The following ABCD2 variants were observed in gnomAD, a reference collection of about 807,000 sequenced individuals.
ABCD2 encodes the protein ATP-binding cassette sub-family D member 2.
ABCD2 carries 36 observed loss-of-function variants against 70.9 expected under a neutral mutation model. The observed-to-expected ratio is 0.51, with a 90% confidence interval of 0.39 to 0.67. ABCD2 has a LOEUF of 0.67. Ranked by LOEUF, ABCD2 falls within the 30% of genes least tolerant of loss-of-function variation. The pLI is 0.00. For synonymous variants in ABCD2, 304 were observed against 306.9 expected, an observed-to-expected ratio of 0.99 and a Z score of 0.10; for missense variants, 729 against 890.2, an observed-to-expected ratio of 0.82 and a Z score of 2.30.
intron 1 of ABCD2, among the ~76,000 whole-genome samples, chr12:39,618,318 T>A (rs1000082270): frequency 1.3e-5 from 2 of 152,192 alleles, no homozygotes; most frequent in African/African-American, 2.4e-5. Flanking sequence ...AGTTTCTAAA[T>A]ATATATTTTC....
intron 2 of ABCD2, among the ~76,000 whole-genome samples, chr12:39,611,801 GTGTGTA>G (rs1942048260): frequency 2.0e-5 from 3 of 152,024 alleles, no homozygotes; most frequent in African/African-American, 7.2e-5. Flanking sequence ...AAATGTGTGT[GTGTGTA>G]TGTGTATGTG....
Position 39,596,076 on chromosome 12 carries a change from G to A in ABCD2, c.1646+4495C>T, listed in dbSNP as rs1275224290. Among the ~76,000 whole-genome samples the A allele has an allele frequency of 5.3e-5, 8 of 152,118 alleles. No individual in the cohort carries two copies. In the South Asian group the frequency reaches 1.0e-3, roughly 20 times the overall value. On this transcript the variant is annotated intron_variant, in intron 6 of 9. Coordinates refer to ENST00000308666, the MANE Select transcript of ABCD2 (RefSeq NM_005164.4). ...AGAAATGCTTTCTTTTCTCAGCATC[G>A]TGTGTTAGAGGAGAGTAGGAAAGAA...
At chr12:39,603,561 A>ACT in intron 5 of ABCD2, among the ~76,000 whole-genome samples, 1 of 152,104 alleles carries the variant, frequency 6.6e-6, no homozygotes, top group Non-Finnish European at 1.5e-5. Flanking sequence ...TTCATATTTT[A>ACT]GTAAATATAT....
rs1295447510 is a variant in ABCD2 at position 39,550,755 on chromosome 12, C to T, written c.*3157G>A. 1 of 151,714 alleles carries T rather than the reference C, an allele frequency of 6.6e-6. No homozygotes were observed. The highest frequency in any genetic ancestry group is 1.5e-5 in the Non-Finnish European group (1 of 67,666). The allele number at this position is 151,714 out of a possible 1,614,324, so 9.4% of individuals were successfully genotyped here. A position where few individuals can be genotyped will look rare whatever the true frequency, so the allele number is the denominator to read the frequency against. On this transcript the variant is annotated 3_prime_UTR_variant, in exon 10 of 10. Transcript: ENST00000308666. ...AATTTTGCCCATAAAGTAATTATAT[C>T]AAAGTCATCTTTTTAAATCAATGAT... is the stretch of plus-strand genomic sequence containing the variant.
chr12:39,569,223 A>G (rs978439112), intron 9 of ABCD2, among the ~76,000 whole-genome samples: 1 of 152,190 alleles, frequency 6.6e-6, no homozygotes, highest in Admixed American at 6.5e-5. Flanking sequence ...CTACCCCCAG[A>G]GGTTGAGTCT....
At chr12:39,578,423 G>A (rs945639971) in intron 8 of ABCD2, among the ~76,000 whole-genome samples, 67 of 147,858 alleles carry the variant, frequency 4.5e-4, no homozygotes, top group Non-Finnish European at 7.4e-5. Context: ...GCAGTGAGCC[G>A]AGATGGTGCC....
intron 9 of ABCD2, among the ~76,000 whole-genome samples, chr12:39,570,533 A>G (rs1941433187): frequency 6.6e-6 from 1 of 152,214 alleles, no homozygotes; most frequent in Non-Finnish European, 1.5e-5. Flanking sequence ...ATCCACAGGT[A>G]GAAGAATGAA....
chr12:39,543,534 T>G, the ABCD2 span, among the ~76,000 whole-genome samples: 3 of 152,344 alleles, frequency 2.0e-5, no homozygotes, highest in East Asian at 3.9e-4. Flanking sequence ...CCAGCAAATT[T>G]GGGACTGGAG....
At chr12:39,569,482 G>A (rs965217069) in intron 9 of ABCD2, among the ~76,000 whole-genome samples, 1 of 152,214 alleles carries the variant, frequency 6.6e-6, no homozygotes, top group African/African-American at 2.4e-5. Context: ...GAAAAGCGCA[G>A]TATTAGGGTG....
chr12:39,610,533 A>C (rs763794128), intron 2 of ABCD2, among the ~76,000 whole-genome samples: 7 of 152,224 alleles, frequency 4.6e-5, no homozygotes, highest in Non-Finnish European at 1.0e-4. Context: ...TTAAAATGCT[A>C]AGAATAGTTT....
intron 2 of ABCD2, among the ~76,000 whole-genome samples, chr12:39,609,448 A>T (rs1456702510): frequency 1.3e-5 from 2 of 152,206 alleles, no homozygotes; most frequent in African/African-American, 4.8e-5. Flanking sequence ...GCCCACAGTA[A>T]GTGCTCTAAA....
chr12:39,600,907 T>C (rs1428221920), intron 5 of ABCD2, among the ~76,000 whole-genome samples, 191 bp from the exon 6 acceptor site: 1 of 152,112 alleles, frequency 6.6e-6, no homozygotes, highest in African/African-American at 2.4e-5. Context: ...AAAAGCATCA[T>C]AAAATAATTC....
At chr12:39,557,372 G>A (rs1313571963) in intron 9 of ABCD2, among the ~76,000 whole-genome samples, 1 of 152,156 alleles carries the variant, frequency 6.6e-6, no homozygotes, top group Admixed American at 6.6e-5. Context: ...AAAGTGTTCA[G>A]TTTTATGCTT....
chr12:39,557,552 T>C (rs1333202632), intron 9 of ABCD2, among the ~76,000 whole-genome samples: 3 of 152,116 alleles, frequency 2.0e-5, no homozygotes, highest in Non-Finnish European at 1.5e-5. Context: ...CAAATGTTAA[T>C]CACCAAGACA....
chr12:39,602,405 C>T (rs1194903788), intron 5 of ABCD2, among the ~76,000 whole-genome samples: 12 of 151,988 alleles, frequency 7.9e-5, no homozygotes, highest in Admixed American at 7.9e-4. Flanking sequence ...CTGCCCACCT[C>T]AGCCTCTCAA....
chr12:39,616,899 C>A, intron 2 of ABCD2, 89 bp downstream of exon 2: 2 of 1,201,456 alleles, frequency 1.7e-6, no homozygotes, highest in Non-Finnish European at 2.3e-6. Flanking sequence ...TGACCATGTA[C>A]ACAGTTTAGC....
At chr12:39,554,535 A>C (rs866507378) in intron 9 of ABCD2, among the ~76,000 whole-genome samples, 1 of 152,292 alleles carries the variant, frequency 6.6e-6, no homozygotes, top group African/African-American at 2.4e-5. Context: ...AGGAAATACA[A>C]TAGCAACTCA....
At chr12:39,531,974 T>C in the ABCD2 span, among the ~76,000 whole-genome samples, 3 of 152,230 alleles carry the variant, frequency 2.0e-5, no homozygotes, top group Non-Finnish European at 4.4e-5. Context: ...GATTTTTTTC[T>C]TGCTTATGAG....
At chr12:39,602,045 A>G (rs952797465) in intron 5 of ABCD2, among the ~76,000 whole-genome samples, 1 of 151,734 alleles carries the variant, frequency 6.6e-6, no homozygotes, top group Non-Finnish European at 1.5e-5. Context: ...TATTTTTCTC[A>G]GCATAAAGGT....
Sources: gnomAD v4.1 joint callset for allele counts (sites outside exome capture counted in the v4.1 genomes callset) on GRCh38, gnomAD v4.1.1 for gene constraint, MANE v1.5 for transcripts, NCBI Gene and HGNC (gene_info 2026-07-23, HGNC 2026-07-21) for gene names.